KIF13B: variants seen among roughly 807,000 people sequenced by gnomAD.
The protein encoded by KIF13B is kinesin-like protein KIF13B.
A neutral mutation model predicts 222.0 loss-of-function variants in KIF13B; 127 were observed. That is an observed-to-expected ratio of 0.57 (90% CI 0.50 to 0.66). KIF13B has a LOEUF of 0.66. KIF13B is among the 30% of genes least tolerant of loss of function. The probability of loss-of-function intolerance (pLI) is 0.00; values close to 1 mark genes in which losing one functional copy is unlikely to be tolerated. For synonymous variants in KIF13B, 976 were observed against 919.0 expected (o/e 1.06, Z -1.12); for missense variants, 2,173 against 2,379.0 (o/e 0.91, Z 1.80).
intron 2 of KIF13B, among the ~76,000 whole-genome samples, chr8:29,224,410 TTAAC>T (rs1814920937): frequency 6.6e-6 from 1 of 152,210 alleles, no homozygotes; most frequent in African/African-American, 2.4e-5. Context: ...TTATTTATTA[TTAAC>T]TAACAAGGTC....
intron 1 of KIF13B, among the ~76,000 whole-genome samples, chr8:29,246,438 A>T (rs1041773651): frequency 4.9e-4 from 59 of 121,108 alleles, no homozygotes; most frequent in African/African-American, 2.2e-3. Flanking sequence ...ATATCAGTTA[A>T]AAAAAAAAAA....
chr8:29,222,107 G>A (rs902801503), intron 2 of KIF13B, among the ~76,000 whole-genome samples: 1 of 152,124 alleles, frequency 6.6e-6, no homozygotes, highest in Non-Finnish European at 1.5e-5. Context: ...AGTACTTTGG[G>A]AGGCTGAGGT....
intron 4 of KIF13B, chr8:29,190,449 C>T (rs1245864784): frequency 6.5e-6 from 1 of 153,312 alleles, no homozygotes; most frequent in Non-Finnish European, 1.5e-5. Context: ...CGCCGCGCCA[C>T]CTCCATGAGG....
chr8:29,250,067 G>C (rs1816213526), intron 1 of KIF13B: 4 of 1,287,732 alleles, frequency 3.1e-6, no homozygotes, highest in Non-Finnish European at 4.1e-6. Flanking sequence ...TGTATCAGCT[G>C]GCTCCTTACA....
At chr8:29,255,849 CTT>C (rs148947774) in intron 1 of KIF13B, among the ~76,000 whole-genome samples, 1,540 of 152,272 alleles carry the variant, frequency 0.01, 23 homozygotes, top group African/African-American at 0.035. Context: ...ACCTTTCACT[CTT>C]TTGACACATT....
At chr8:29,154,593 C>T (rs895498141) in intron 14 of KIF13B, among the ~76,000 whole-genome samples, 8 of 152,060 alleles carry the variant, frequency 5.3e-5, no homozygotes, top group Non-Finnish European at 8.8e-5. Context: ...AACAGAATAA[C>T]GCTGCAACTG....
intron 2 of KIF13B, among the ~76,000 whole-genome samples, chr8:29,215,969 T>A (rs1373796245): frequency 1.3e-5 from 2 of 152,170 alleles, no homozygotes; most frequent in African/African-American, 4.8e-5. Context: ...TACATGGGTG[T>A]GTATGTAGAT....
chr8:29,217,121 A>C (rs1362452023), intron 2 of KIF13B, among the ~76,000 whole-genome samples: 1 of 152,198 alleles, frequency 6.6e-6, no homozygotes, highest in Non-Finnish European at 1.5e-5. Flanking sequence ...TGAACTATCA[A>C]ATTAGTGGTA....
rs764819784 is a variant in KIF13B at position 29,130,593 on chromosome 8, G to T, written c.3015C>A (p.Cys1005Ter). Residue 1005 changes from cysteine to a stop codon, truncating the protein, a stop_gained, in exon 24 of 40, where the codon TGC becomes TGA. Transcript: ENST00000524189. LOFTEE classifies it high-confidence loss of function. Reference protein sequence around the residue: ...ILEQNENGEYCPVEVISAKDV... With the variant: ...ILEQNENGEY ...CCTTTGCAGAAATCACTTCTACAGGGCAGTATTCACCATTCTCATTCTGTT... is the reference window on the plus strand; with the variant it reads ...CCTTTGCAGAAATCACTTCTACAGGTCAGTATTCACCATTCTCATTCTGTT... 2 of 1,613,124 alleles carry T rather than the reference G, an allele frequency of 1.2e-6. No homozygotes were observed. The highest frequency in any genetic ancestry group is 2.7e-5 in the African/African-American group (2 of 74,894).
intron 10 of KIF13B, among the ~76,000 whole-genome samples, chr8:29,171,796 C>T (rs1308261389): frequency 1.5e-5 from 2 of 135,688 alleles, no homozygotes; most frequent in East Asian, 2.1e-4. Flanking sequence ...CTCACTCTGT[C>T]GCCCAGGCTG....
intron 35 of KIF13B, among the ~76,000 whole-genome samples, chr8:29,104,230 C>T (rs982306578): frequency 6.6e-6 from 1 of 152,078 alleles, no homozygotes; most frequent in South Asian, 2.1e-4. Context: ...AACTCGGACA[C>T]CTGAGACCCT....
chr8:29,111,451 T>G (rs1032557250), intron 32 of KIF13B, among the ~76,000 whole-genome samples: 1 of 152,270 alleles, frequency 6.6e-6, no homozygotes, highest in African/African-American at 2.4e-5. Context: ...TTTATTTTGT[T>G]TTTAGATCTA....
chr8:29,246,044 C>A (rs998280833), intron 1 of KIF13B, among the ~76,000 whole-genome samples: 5 of 152,260 alleles, frequency 3.3e-5, no homozygotes, highest in African/African-American at 1.2e-4. Context: ...GGGGATATCC[C>A]AATTACTCTG....
chr8:29,242,150 GA>G (rs1322989339), intron 2 of KIF13B, among the ~76,000 whole-genome samples: 4 of 152,118 alleles, frequency 2.6e-5, no homozygotes. Context: ...GTAGAGGAGA[GA>G]AAGAAGCAAA....
chr8:29,067,370 T>C lies in KIF13B; in HGVS notation c.*3134A>G, dbSNP rs966788579. ...ACAAAATTACAGGTGGTTTAGTTCA[T>C]TACATGATACAAATCATTAGAGTCT... On this transcript the variant is annotated 3_prime_UTR_variant, in exon 40 of 40. Transcript: ENST00000524189. 5 of 152,632 alleles carry C rather than the reference T, an allele frequency of 3.3e-5. No homozygotes were observed. Among genetic ancestry groups the C allele is most frequent in the African/African-American group, 1.2e-4 (5 of 41,460 alleles). The allele number at this position is 152,632 out of a possible 1,614,324, so 9.5% of individuals were successfully genotyped here.
chr8:29,181,999 G>A lies in KIF13B; in HGVS notation c.505C>T (p.Gln169Ter). Residue 169 changes from glutamine to a stop codon, truncating the protein, a stop_gained, in exon 7 of 40, where the codon CAG becomes TAG. Coordinates refer to ENST00000524189, the MANE Select transcript of KIF13B (RefSeq NM_015254.4). LOFTEE classifies it high-confidence loss of function. ...CTATGCTCTCTGACTTTCAACGTCT[G>A]ACGGCTTCTGTTCATGAAAAACAAA... ...RDLLDPKGSRQTLKVREHSVL... is the reference protein window; with the variant it reads ...RDLLDPKGSR 6.2e-7 allele frequency: 1 copy of A among 1,612,406 alleles called. No individual in the cohort carries two copies. The highest frequency in any genetic ancestry group is 8.5e-7 in the Non-Finnish European group (1 of 1,179,156).
At chr8:29,098,667 CCCGG>C (rs1808652662) in intron 36 of KIF13B, among the ~76,000 whole-genome samples, 2 of 150,666 alleles carry the variant, frequency 1.3e-5, no homozygotes, top group African/African-American at 4.9e-5. Flanking sequence ...GGATTCCAGG[CCCGG>C]ATCATGTAAC....
At chr8:29,204,066 C>A (rs1214545913) in intron 2 of KIF13B, among the ~76,000 whole-genome samples, 1 of 152,096 alleles carries the variant, frequency 6.6e-6, no homozygotes, top group Non-Finnish European at 1.5e-5. Context: ...TTGGTAGATA[C>A]TGGTAATTTG....
rs567109871 is a variant in KIF13B, at chr8:29,223,326, T to C, written c.149+22020A>G. On this transcript the variant is annotated intron_variant, in intron 2 of 39. Transcript: ENST00000524189. ...ACTCCAGCCTGAGTGAGAGAGACCC[T>C]GTCTCAAAAAAAAAAAAAACAAAAA... Among the ~76,000 whole-genome samples, 11 of 114,362 alleles carry C rather than the reference T, an allele frequency of 9.6e-5. No individual in the cohort carries two copies. The East Asian group carries it at 2.3e-3, about 24-fold the overall frequency. The allele number at this position is 114,362 out of a possible 152,430, so 75.0% of individuals were successfully genotyped here.
Sources: gnomAD v4.1 joint callset for allele counts (sites outside exome capture counted in the v4.1 genomes callset) on GRCh38, gnomAD v4.1.1 for gene constraint, MANE v1.5 for transcripts, NCBI Gene and HGNC (gene_info 2026-07-23, HGNC 2026-07-21) for gene names.